Variants in ZBTB20 observed in about 807,000 individuals in gnomAD.
ZBTB20 encodes the protein zinc finger and BTB domain containing 20.
Under a neutral mutation model 56.9 loss-of-function variants are expected in ZBTB20, and 9 were observed. That is an observed-to-expected ratio of 0.16 (90% confidence interval 0.10 to 0.28). The LOEUF (loss-of-function observed/expected upper bound fraction) is 0.28. ZBTB20 is among the 10% of genes least tolerant of loss of function. The pLI, the probability that ZBTB20 is intolerant of heterozygous loss-of-function variation, is 1.00. For synonymous variants in ZBTB20, 417 were observed against 420.7 expected (o/e 0.99, Z 0.11); for missense variants, 655 against 1,003.0 (o/e 0.65, Z 4.69).
At chr3:114,829,675 A>T (rs189229545) in intron 4 of ZBTB20, among the ~76,000 whole-genome samples, 1 of 151,982 alleles carries the variant, frequency 6.6e-6, no homozygotes, top group African/African-American at 2.4e-5. Context: ...GTTACACGGG[A>T]GATGCAAGTA....
At chr3:114,475,261 G>A (rs1290140168) in intron 7 of ZBTB20, among the ~76,000 whole-genome samples, 1 of 151,918 alleles carries the variant, frequency 6.6e-6, no homozygotes, top group African/African-American at 2.4e-5. Context: ...CCCAAATCCA[G>A]TGTCATCTTT....
At chr3:115,082,822 G>A (rs1005682328) in intron 1 of ZBTB20, among the ~76,000 whole-genome samples, 6 of 151,946 alleles carry the variant, frequency 3.9e-5, no homozygotes, top group African/African-American at 1.4e-4. Context: ...CCTTACATGT[G>A]TGTACATGCA....
chr3:114,546,344 G>A (rs1291973444), intron 6 of ZBTB20, among the ~76,000 whole-genome samples: 1 of 152,086 alleles, frequency 6.6e-6, no homozygotes, highest in Non-Finnish European at 1.5e-5. Context: ...TGGTGGACCT[G>A]GCCCACTACC....
intron 1 of ZBTB20, among the ~76,000 whole-genome samples, chr3:115,106,006 C>T (rs1194317094): frequency 6.6e-6 from 1 of 151,660 alleles, no homozygotes; most frequent in Non-Finnish European, 1.5e-5. Flanking sequence ...TTAGTAGAGA[C>T]AGGATTTCAC....
intron 5 of ZBTB20, among the ~76,000 whole-genome samples, chr3:114,762,983 A>T (rs2068541313): frequency 6.6e-6 from 1 of 152,180 alleles, no homozygotes; most frequent in African/African-American, 2.4e-5. Context: ...TATTTTTCCC[A>T]AATAAATTTC....
At chr3:114,518,156 T>C (rs186748457) in intron 6 of ZBTB20, among the ~76,000 whole-genome samples, 4 of 152,172 alleles carry the variant, frequency 2.6e-5, no homozygotes, top group Non-Finnish European at 5.9e-5. Flanking sequence ...GGCTGGGGTA[T>C]GGGTATTGGT....
chr3:114,364,963 T>C (rs1315075235), intron 10 of ZBTB20, among the ~76,000 whole-genome samples: 2 of 152,180 alleles, frequency 1.3e-5, no homozygotes, highest in Non-Finnish European at 2.9e-5. Context: ...CAGCACAGGC[T>C]TTATCTGATG....
chr3:114,596,329 T>C (rs928104531), intron 6 of ZBTB20, among the ~76,000 whole-genome samples: 1 of 152,154 alleles, frequency 6.6e-6, no homozygotes, highest in African/African-American at 2.4e-5. Context: ...CCCACCAAAC[T>C]TAGAATGCAC....
intron 2 of ZBTB20, among the ~76,000 whole-genome samples, chr3:115,000,275 C>T (rs1390562934): frequency 6.6e-6 from 1 of 151,478 alleles, no homozygotes; most frequent in Non-Finnish European, 1.5e-5. Flanking sequence ...TTGATTACAG[C>T]ACATTATTTA....
chr3:114,688,607 T>C (rs1208201942), intron 6 of ZBTB20, among the ~76,000 whole-genome samples: 4 of 152,140 alleles, frequency 2.6e-5, no homozygotes, highest in Admixed American at 2.0e-4. Flanking sequence ...CTTTCCTCTT[T>C]CCTGTTTTAT....
At chr3:114,671,392 C>A (rs74345708) in intron 6 of ZBTB20, among the ~76,000 whole-genome samples, 2 of 151,954 alleles carry the variant, frequency 1.3e-5, no homozygotes, top group African/African-American at 2.4e-5. Flanking sequence ...AGAGGACCCC[C>A]CAAATAGTTT....
At chr3:114,341,754 G>A (rs1209369899) in intron 11 of ZBTB20, among the ~76,000 whole-genome samples, 1 of 152,062 alleles carries the variant, frequency 6.6e-6, no homozygotes, top group African/African-American at 2.4e-5. Context: ...TCATTTCTCT[G>A]GGTTTATTTC....
intron 6 of ZBTB20, among the ~76,000 whole-genome samples, chr3:114,586,435 T>C (rs1281454110): frequency 2.0e-5 from 3 of 152,166 alleles, no homozygotes; most frequent in African/African-American, 7.2e-5. Context: ...ATAAACTCAC[T>C]TGTAACAAGT....
At chr3:114,511,755 C>G (rs1361427059) in intron 6 of ZBTB20, among the ~76,000 whole-genome samples, 1 of 152,008 alleles carries the variant, frequency 6.6e-6, no homozygotes, top group Non-Finnish European at 1.5e-5. Context: ...CTGAAAAACA[C>G]ATTTGCTACT....
chr3:114,524,118 T>C (rs1251270714), intron 6 of ZBTB20, among the ~76,000 whole-genome samples: 3 of 152,284 alleles, frequency 2.0e-5, no homozygotes, highest in East Asian at 1.9e-4. Flanking sequence ...TCATTGTCCA[T>C]GGAATCTACG....
intron 6 of ZBTB20, among the ~76,000 whole-genome samples, chr3:114,651,825 T>C (rs1346657510): frequency 6.6e-6 from 1 of 152,090 alleles, no homozygotes; most frequent in Non-Finnish European, 1.5e-5. Flanking sequence ...TTTCTGTCTT[T>C]AACCTTGAAC....
intron 1 of ZBTB20, among the ~76,000 whole-genome samples, chr3:115,106,707 C>T (rs979831039): frequency 2.6e-5 from 4 of 152,076 alleles, no homozygotes; most frequent in Non-Finnish European, 2.9e-5. Flanking sequence ...TACATGTAAA[C>T]TAAGTCATTG....
intron 3 of ZBTB20, among the ~76,000 whole-genome samples, chr3:114,915,402 G>A (rs1319515718): frequency 2.6e-5 from 4 of 151,954 alleles, no homozygotes; most frequent in East Asian, 3.9e-4. Context: ...TTGAATTTCT[G>A]TAGTATCAAT....
At chr3:114,634,629 A>C (rs1035663538) in intron 6 of ZBTB20, among the ~76,000 whole-genome samples, 3 of 152,206 alleles carry the variant, frequency 2.0e-5, no homozygotes, top group Non-Finnish European at 4.4e-5. Context: ...GTAGCTAAGA[A>C]ATAGAGGCAC....
Sources: allele counts gnomAD v4.1 joint callset (sites outside exome capture counted in the v4.1 genomes callset), GRCh38; gene constraint gnomAD v4.1.1; transcripts MANE v1.5; gene names NCBI Gene and HGNC (gene_info 2026-07-23, HGNC 2026-07-21).